COTL1: variants seen among roughly 807,000 people sequenced by gnomAD.
COTL1 encodes the protein coactosin like F-actin binding protein 1.
COTL1 carries 15 observed loss-of-function variants against 16.5 expected under a neutral mutation model. That is an observed-to-expected ratio of 0.91 (90% CI 0.61 to 1.40). The LOEUF (loss-of-function observed/expected upper bound fraction) is 1.40. COTL1 is among the 40% of genes most tolerant of loss of function. The probability of loss-of-function intolerance (pLI) is 0.00; values close to 1 mark genes in which losing one functional copy is unlikely to be tolerated. For synonymous variants in COTL1, 112 were observed against 85.3 expected, an observed-to-expected ratio of 1.31 and a Z score of -1.73; for missense variants, 220 against 201.5, an observed-to-expected ratio of 1.09 and a Z score of -0.56.
intron 2 of COTL1, among the ~76,000 whole-genome samples, chr16:84,612,939 C>T (rs1905367419): frequency 6.6e-6 from 1 of 151,776 alleles, no homozygotes; most frequent in Non-Finnish European, 1.5e-5. Flanking sequence ...CAAGGCCACA[C>T]ACACAATGAG....
At chr16:84,598,657 A>AT (rs1555523932) in intron 2 of COTL1, among the ~76,000 whole-genome samples, 16 of 138,000 alleles carry the variant, frequency 1.2e-4, no homozygotes, top group African/African-American at 4.1e-4. Context: ...CTCCCCCCCA[A>AT]CCCCCCCCAC....
At chr16:84,607,842 G>C (rs1001121267) in intron 2 of COTL1, among the ~76,000 whole-genome samples, 1 of 152,108 alleles carries the variant, frequency 6.6e-6, no homozygotes, top group Non-Finnish European at 1.5e-5. Flanking sequence ...GTAGATGCTC[G>C]AGAAATGTCC....
chr16:84,603,433 G>A (rs1259025121), intron 2 of COTL1, among the ~76,000 whole-genome samples: 5 of 152,160 alleles, frequency 3.3e-5, no homozygotes, highest in African/African-American at 7.2e-5. Flanking sequence ...CAGCTCTGCC[G>A]TAAACACAGG....
intron 3 of COTL1, among the ~76,000 whole-genome samples, chr16:84,574,856 T>G (rs988051109): frequency 1.3e-5 from 2 of 152,106 alleles, no homozygotes; most frequent in Admixed American, 6.6e-5. Context: ...TATAGATTCA[T>G]GCCTCAAAGA....
intron 2 of COTL1, 69 bp downstream of exon 2, chr16:84,617,432 G>A: frequency 6.9e-7 from 1 of 1,451,034 alleles, no homozygotes; most frequent in Non-Finnish European, 9.4e-7. Flanking sequence ...GTTCGCTCTG[G>A]CCGGGGCTCC....
At chr16:84,600,269 A>G (rs892184434) in intron 2 of COTL1, among the ~76,000 whole-genome samples, 10 of 152,012 alleles carry the variant, frequency 6.6e-5, no homozygotes, top group Admixed American at 6.6e-4. Flanking sequence ...GTTTATTTCT[A>G]AACTCCTTTT....
At chr16:84,567,934 C>T (rs1293065468) in intron 3 of COTL1, 3 of 147,032 alleles carry the variant, frequency 2.0e-5, no homozygotes, top group East Asian at 2.0e-4. Context: ...ACAAATAACA[C>T]GTCTAAAGGT....
chr16:84,566,896 C>T lies in COTL1; in HGVS notation c.378G>A (p.Lys126=). The change falls in exon 4 of 4, where the codon AAG becomes AAA. Residue 126 remains lysine, a synonymous_variant. Coordinates refer to ENST00000262428, the MANE Select transcript of COTL1 (RefSeq NM_021149.5). ...CTCCCCCCGCCTTCTTCAGCTCGCT[C>T]TTGATGAAATCTTCCTCCAGCTCCT... is the stretch of plus-strand genomic sequence containing the variant. The part of the protein sequence containing the change: ...DRKELEEDFI[K]SELKKAGGAN... 1 of 1,614,106 alleles carries T rather than the reference C, an allele frequency of 6.2e-7. No homozygotes were observed. The highest frequency in any genetic ancestry group is 8.5e-7 in the Non-Finnish European group (1 of 1,179,994).
chr16:84,566,968 AG>A lies in COTL1; in HGVS notation c.319-14del. 1 of 1,578,498 alleles carries A rather than the reference AG, an allele frequency of 6.3e-7. No homozygotes were observed. The highest frequency in any genetic ancestry group is 8.7e-7 in the Non-Finnish European group (1 of 1,147,686). The stretch of plus-strand genomic sequence containing the variant: ...CCTTAGCGAAATTCTGCAAGAACAA[AG>A]GAAAACACAGCGTTCCTATTAAGAA... On this transcript the variant is annotated splice_polypyrimidine_tract_variant and intron_variant, in intron 3 of 3. Coordinates refer to ENST00000262428, the MANE Select transcript of COTL1 (RefSeq NM_021149.5).
At chr16:84,583,805 T>C (rs1342760465) in intron 3 of COTL1, among the ~76,000 whole-genome samples, 2 of 152,132 alleles carry the variant, frequency 1.3e-5, no homozygotes, top group Non-Finnish European at 2.9e-5. Flanking sequence ...AATTGGCTAG[T>C]TCACACCATC....
chr16:84,617,263 C>T (rs1337598234), intron 2 of COTL1, among the ~76,000 whole-genome samples: 1 of 152,220 alleles, frequency 6.6e-6, no homozygotes, highest in East Asian at 1.9e-4. Flanking sequence ...GCTGCCCCGC[C>T]TGGAGAAGGC....
intron 3 of COTL1, among the ~76,000 whole-genome samples, chr16:84,573,626 A>G (rs1419107538): frequency 6.6e-6 from 1 of 152,046 alleles, no homozygotes; most frequent in Non-Finnish European, 1.5e-5. Flanking sequence ...AATACAAAGA[A>G]TTAGCTGGGT....
chr16:84,613,717 G>C (rs2150698216), intron 2 of COTL1, among the ~76,000 whole-genome samples: 1 of 152,344 alleles, frequency 6.6e-6, no homozygotes, highest in South Asian at 2.1e-4. Context: ...CTATGAAGAG[G>C]AAAGCAGAGA....
chr16:84,615,358 C>T (rs1288734343), intron 2 of COTL1, among the ~76,000 whole-genome samples: 1 of 152,212 alleles, frequency 6.6e-6, no homozygotes, highest in East Asian at 1.9e-4. Flanking sequence ...CAGAAAACCA[C>T]AAGCCTGTGG....
Position 84,618,047 on chromosome 16 carries a change from T to A in COTL1, c.-133A>T. 2 of 320,716 alleles carry A rather than the reference T, an allele frequency of 6.2e-6. No homozygotes were observed. Among genetic ancestry groups the A allele is most frequent in the Non-Finnish European group, 9.2e-6 (2 of 217,006 alleles). 19.9% of individuals were successfully genotyped at this position (320,716 alleles called of 1,614,324 possible). On this transcript the variant is annotated 5_prime_UTR_variant, in exon 1 of 4. Coordinates refer to ENST00000262428, the MANE Select transcript of COTL1 (RefSeq NM_021149.5). ...GCGGTGGCGACGGCTACGCGGCGCCTGCAAGCTGCGAGCGCGGCGGCGGCT... is the reference window on the plus strand; with the variant it reads ...GCGGTGGCGACGGCTACGCGGCGCCAGCAAGCTGCGAGCGCGGCGGCGGCT...
intron 3 of COTL1, among the ~76,000 whole-genome samples, chr16:84,587,308 A>G (rs1419368107): frequency 6.6e-6 from 1 of 152,214 alleles, no homozygotes; most frequent in African/African-American, 2.4e-5. Context: ...CAGTGCTAGC[A>G]CTGCTCAAAG....
intron 2 of COTL1, among the ~76,000 whole-genome samples, chr16:84,605,415 T>G (rs1597184025): frequency 6.6e-6 from 1 of 152,224 alleles, no homozygotes; most frequent in African/African-American, 2.4e-5. Flanking sequence ...CAACGGCCCC[T>G]AAGACATCTA....
At chr16:84,616,003 T>G (rs563269684) in intron 2 of COTL1, 3 of 152,302 alleles carry the variant, frequency 2.0e-5, no homozygotes, top group East Asian at 3.9e-4. Context: ...ACCCACATGA[T>G]CCCTGGCACA....
At chr16:84,576,207 C>T (rs983698217) in intron 3 of COTL1, 1 of 152,226 alleles carries the variant, frequency 6.6e-6, no homozygotes, top group Non-Finnish European at 1.5e-5. Flanking sequence ...AACAAGGAGG[C>T]CTGTCGGGGT....
Sources: gnomAD v4.1 joint callset for allele counts (sites outside exome capture counted in the v4.1 genomes callset) on GRCh38, gnomAD v4.1.1 for gene constraint, MANE v1.5 for transcripts, NCBI Gene and HGNC (gene_info 2026-07-23, HGNC 2026-07-21) for gene names.